The following JAZF1 variants were observed in gnomAD, a reference collection of about 807,000 sequenced individuals.
The protein encoded by JAZF1 is juxtaposed with another zinc finger protein 1.
JAZF1 carries 8 observed loss-of-function variants against 26.4 expected under a neutral mutation model. The ratio of observed to expected loss-of-function variants is 0.30; its 90% confidence interval spans 0.18 to 0.55. The LOEUF is 0.55. Among genes scored for constraint, JAZF1 ranks in the 20% least tolerant of loss-of-function variants. JAZF1 has a pLI of 0.94. For missense variants in JAZF1, 199 were observed against 322.0 expected (o/e 0.62, Z 2.92); for synonymous variants, 126 against 122.3 (o/e 1.03, Z -0.20).
intron 1 of JAZF1, among the ~76,000 whole-genome samples, chr7:28,062,870 C>T (rs1783822675): frequency 6.6e-6 from 1 of 152,212 alleles, no homozygotes; most frequent in African/African-American, 2.4e-5. Flanking sequence ...CAGACTGACA[C>T]TGTTTAATTC....
At chr7:27,921,350 T>C (rs77607072) in intron 2 of JAZF1, among the ~76,000 whole-genome samples, 5 of 151,490 alleles carry the variant, frequency 3.3e-5, no homozygotes, top group African/African-American at 9.7e-5. Context: ...TTTTTTTTTT[T>C]CCTTTTTACA....
intron 1 of JAZF1, among the ~76,000 whole-genome samples, chr7:28,153,059 G>T (rs1321233722): frequency 6.6e-6 from 1 of 152,108 alleles, no homozygotes; most frequent in Non-Finnish European, 1.5e-5. Flanking sequence ...AGCAGTCTAG[G>T]TAATTTCCAA....
intron 1 of JAZF1, among the ~76,000 whole-genome samples, chr7:28,129,203 C>T (rs565924670): frequency 2.0e-5 from 3 of 152,198 alleles, no homozygotes; most frequent in African/African-American, 7.2e-5. Context: ...TAGAGAGAAT[C>T]ATATAATCTC....
intron 1 of JAZF1, among the ~76,000 whole-genome samples, chr7:28,089,536 G>C (rs973998168): frequency 6.6e-6 from 1 of 152,238 alleles, no homozygotes; most frequent in Non-Finnish European, 1.5e-5. Flanking sequence ...GCGTAGAGAG[G>C]CTGGAAGGTA....
rs566504366 is a variant in JAZF1, at chr7:28,019,325, T to C, written c.116-27344A>G. On this transcript the variant is annotated intron_variant, in intron 1 of 4. Transcript: ENST00000283928. The stretch of plus-strand genomic sequence containing the variant: ...CCTAAAGAGAGGATTAAGCATAATC[T>C]TACCGTGTCTGGGGGACAAAGGCAC... Among the ~76,000 whole-genome samples, 4 of 152,316 alleles carry C rather than the reference T, an allele frequency of 2.6e-5. No homozygotes were observed. The South Asian group carries it at 8.3e-4, about 32-fold the overall frequency.
At chr7:28,108,224 C>T (rs1297428077) in intron 1 of JAZF1, among the ~76,000 whole-genome samples, 1 of 152,180 alleles carries the variant, frequency 6.6e-6, no homozygotes, top group Admixed American at 6.5e-5. Context: ...TTTTCCTAGT[C>T]GAGACAGTCA....
chr7:27,999,858 TAA>T (rs980537162), intron 1 of JAZF1, among the ~76,000 whole-genome samples: 1 of 152,186 alleles, frequency 6.6e-6, no homozygotes, highest in Non-Finnish European at 1.5e-5. Context: ...AGGCCCATGG[TAA>T]ATGACTTTAC....
chr7:27,852,585 C>T (rs1271490040), intron 3 of JAZF1, among the ~76,000 whole-genome samples: 1 of 152,182 alleles, frequency 6.6e-6, no homozygotes, highest in Non-Finnish European at 1.5e-5. Flanking sequence ...TTGTGACCAA[C>T]ACAGTGTTGG....
chr7:28,017,734 C>T (rs1413826376), intron 1 of JAZF1, among the ~76,000 whole-genome samples: 1 of 152,164 alleles, frequency 6.6e-6, no homozygotes, highest in African/African-American at 2.4e-5. Flanking sequence ...TGAAAAAGAC[C>T]AGCAAATGAT....
intron 2 of JAZF1, among the ~76,000 whole-genome samples, chr7:27,900,173 G>A (rs537611651): frequency 6.6e-6 from 1 of 152,318 alleles, no homozygotes; most frequent in South Asian, 2.1e-4. Flanking sequence ...ACACTGCTCT[G>A]ATCTGGCAGC....
At chr7:28,122,621 G>A (rs900561462) in intron 1 of JAZF1, among the ~76,000 whole-genome samples, 3 of 152,174 alleles carry the variant, frequency 2.0e-5, no homozygotes, top group South Asian at 2.1e-4. Context: ...ATGTCAATGC[G>A]GCCTGCCTTC....
intron 2 of JAZF1, among the ~76,000 whole-genome samples, chr7:27,970,866 C>T (rs1267797306): frequency 2.6e-5 from 4 of 152,148 alleles, no homozygotes; most frequent in Admixed American, 2.6e-4. Context: ...AATTCCAAAA[C>T]ACTATTTTGG....
intron 1 of JAZF1, among the ~76,000 whole-genome samples, chr7:28,029,078 G>A (rs1324585690): frequency 6.6e-6 from 1 of 151,992 alleles, no homozygotes; most frequent in Admixed American, 6.6e-5. Flanking sequence ...CCACATTCCT[G>A]ACATCTTCCT....
At position 27,836,150 on chromosome 7, in the gene JAZF1, GAAC is replaced by G. The variant is rs574329257; in HGVS notation, c.556-3177_556-3175del. On this transcript the variant is annotated intron_variant, in intron 4 of 4. Coordinates refer to ENST00000283928, the MANE Select transcript of JAZF1 (RefSeq NM_175061.4). ...TAATGTGCTAGGTACTCGTTAATTA[GAAC>G]AACCAGCTAGTGGTCTTTGAAAAAT... Among the ~76,000 whole-genome samples, 980 of 152,302 alleles carry G rather than the reference GAAC, an allele frequency of 6.4e-3. 6 individuals are homozygous for G. The highest frequency in any genetic ancestry group is 0.022 in the African/African-American group (928 of 41,568).
At chr7:28,072,610 ATAAAC>A (rs1259906478) in intron 1 of JAZF1, among the ~76,000 whole-genome samples, 4 of 152,228 alleles carry the variant, frequency 2.6e-5, no homozygotes, top group South Asian at 2.1e-4. Flanking sequence ...ATTAGAAAAG[ATAAAC>A]TAAAGAAAAA....
chr7:27,914,560 C>T (rs1784413742), intron 2 of JAZF1, among the ~76,000 whole-genome samples: 1 of 152,188 alleles, frequency 6.6e-6, no homozygotes, highest in African/African-American at 2.4e-5. Flanking sequence ...TTTTCTCATG[C>T]CTTCAGCAGG....
intron 1 of JAZF1, among the ~76,000 whole-genome samples, chr7:28,048,366 G>A (rs1201690567): frequency 6.6e-6 from 1 of 152,008 alleles, no homozygotes; most frequent in Admixed American, 6.5e-5. Context: ...TATAATTTCT[G>A]GACTTACAGC....
At chr7:27,934,466 TACACAC>T (rs10578145) in intron 2 of JAZF1, among the ~76,000 whole-genome samples, 13 of 150,668 alleles carry the variant, frequency 8.6e-5, no homozygotes, top group Middle Eastern at 3.4e-3. Flanking sequence ...TTACCATACA[TACACAC>T]ACACACACAC....
chr7:27,894,948 G>A (rs1784033778), intron 3 of JAZF1, among the ~76,000 whole-genome samples: 1 of 152,192 alleles, frequency 6.6e-6, no homozygotes, highest in South Asian at 2.1e-4. Flanking sequence ...CATTAAAAAT[G>A]TTGTGTAGAT....
Sources: gnomAD v4.1 joint callset for allele counts (sites outside exome capture counted in the v4.1 genomes callset) on GRCh38, gnomAD v4.1.1 for gene constraint, MANE v1.5 for transcripts, NCBI Gene and HGNC (gene_info 2026-07-23, HGNC 2026-07-21) for gene names.